ARHGAP22: variants seen among roughly 807,000 people sequenced by gnomAD.
ARHGAP22 encodes Rho GTPase activating protein 22.
ARHGAP22 carries 48 observed loss-of-function variants against 59.1 expected under a neutral mutation model. That is an observed-to-expected ratio of 0.81 (90% CI 0.64 to 1.03). The LOEUF (loss-of-function observed/expected upper bound fraction) is 1.03. Among genes scored for constraint, ARHGAP22 ranks in the 50% least tolerant of loss-of-function variants. ARHGAP22 has a pLI of 0.00. For missense variants in ARHGAP22, 1,015 were observed against 958.7 expected, an observed-to-expected ratio of 1.06 and a Z score of -0.78; for synonymous variants, 445 against 416.4, an observed-to-expected ratio of 1.07 and a Z score of -0.84.
intron 4 of ARHGAP22, chr10:48,466,550 G>A (rs2047713722): frequency 6.7e-6 from 1 of 148,758 alleles, no homozygotes; most frequent in Admixed American, 6.7e-5. Flanking sequence ...GGGCCCGGGG[G>A]CGCCCGCACC....
chr10:48,464,092 C>G (rs761029753), intron 4 of ARHGAP22, among the ~76,000 whole-genome samples: 2 of 152,208 alleles, frequency 1.3e-5, no homozygotes, highest in Non-Finnish European at 2.9e-5. Flanking sequence ...TCCATAACCC[C>G]TATACTTTGT....
chr10:48,596,078 T>C (rs564388087), intron 1 of ARHGAP22, among the ~76,000 whole-genome samples: 5 of 152,354 alleles, frequency 3.3e-5, no homozygotes, highest in South Asian at 2.1e-4. Context: ...ATATAAAAGA[T>C]TGCATTCTTG....
At chr10:48,615,710 T>G (rs983978406) in intron 1 of ARHGAP22, among the ~76,000 whole-genome samples, 2 of 152,132 alleles carry the variant, frequency 1.3e-5, no homozygotes, top group Non-Finnish European at 2.9e-5. Flanking sequence ...AAAATATATT[T>G]AAAGGTTTAA....
At chr10:48,468,631 G>A (rs1564710868) in intron 4 of ARHGAP22, among the ~76,000 whole-genome samples, 1 of 152,152 alleles carries the variant, frequency 6.6e-6, no homozygotes, top group Non-Finnish European at 1.5e-5. Flanking sequence ...CAAATTTCTG[G>A]CAGTTTGTTA....
At position 48,616,401 on chromosome 10, in the gene ARHGAP22, G is replaced by C. The variant is rs770586757; in HGVS notation, c.53-33249C>G. On this transcript the variant is annotated intron_variant, in intron 1 of 9. Transcript: ENST00000435790. ...ATATGCATAGAGGAAGTCCAAGAAA[G>C]AAAAGAGGAAAAGGAGAAGAAGAAT... Among the ~76,000 whole-genome samples, 77 of 152,052 alleles carry C rather than the reference G, an allele frequency of 5.1e-4. 1 individual carries two copies. Among genetic ancestry groups the C allele is most frequent in the Non-Finnish European group, 2.2e-4 (15 of 67,952 alleles).
At chr10:48,647,322 G>A (rs1385316795) in intron 1 of ARHGAP22, among the ~76,000 whole-genome samples, 1 of 152,080 alleles carries the variant, frequency 6.6e-6, no homozygotes, top group Non-Finnish European at 1.5e-5. Flanking sequence ...TGAACCGGGA[G>A]GCAGAGGTTG....
intron 2 of ARHGAP22, among the ~76,000 whole-genome samples, chr10:48,578,187 T>C (rs982014892): frequency 6.6e-6 from 1 of 152,208 alleles, no homozygotes; most frequent in Non-Finnish European, 1.5e-5. Context: ...TCCAGAGATA[T>C]CTAGTCCTGC....
At position 48,604,709 on chromosome 10, in the gene ARHGAP22, G is replaced by T. The variant is rs747626806; in HGVS notation, c.34+54C>A. 5.0e-6 allele frequency: 8 copies of T among 1,613,920 alleles called. No individual in the cohort carries two copies. The African/African-American group carries it at 8.0e-5, about 16-fold the overall frequency. On this transcript the variant is annotated intron_variant, in intron 1 of 9. Transcript: ENST00000249601. ...GACGGCTGGCCAAGTGTCCGCGCAC[G>T]TTTGCCAAGAGGCACATGCGGTGCC... is the stretch of plus-strand genomic sequence containing the variant.
chr10:48,630,917 T>C (rs188771863), intron 1 of ARHGAP22, among the ~76,000 whole-genome samples: 83 of 152,364 alleles, frequency 5.4e-4, no homozygotes, highest in African/African-American at 1.9e-3. Flanking sequence ...TGTAGGGTTT[T>C]TGTGGATGTC....
chr10:48,451,402 G>T (rs984872944), intron 8 of ARHGAP22: 2 of 706,624 alleles, frequency 2.8e-6, no homozygotes, highest in Non-Finnish European at 5.1e-6. Flanking sequence ...CTGCGCTCAC[G>T]CCCTCCAGCT....
intron 3 of ARHGAP22, among the ~76,000 whole-genome samples, chr10:48,499,029 G>A (rs975890065): frequency 3.3e-5 from 5 of 152,148 alleles, no homozygotes; most frequent in Non-Finnish European, 5.9e-5. Context: ...TGTCCTGCCT[G>A]TTGGTCGCTT....
intron 1 of ARHGAP22, among the ~76,000 whole-genome samples, chr10:48,591,063 C>T (rs1049363728): frequency 6.6e-6 from 1 of 152,200 alleles, no homozygotes; most frequent in Non-Finnish European, 1.5e-5. Context: ...CAAGCCCTGG[C>T]TGGTCTTGCT....
chr10:48,530,906 C>A (rs956450499), intron 3 of ARHGAP22, among the ~76,000 whole-genome samples: 1 of 152,216 alleles, frequency 6.6e-6, no homozygotes, highest in Admixed American at 6.5e-5. Flanking sequence ...TTTGATTCAA[C>A]AATCCCACTA....
intron 3 of ARHGAP22, among the ~76,000 whole-genome samples, chr10:48,485,605 A>G (rs1298055856): frequency 7.9e-5 from 12 of 152,162 alleles, no homozygotes; most frequent in Non-Finnish European, 1.8e-4. Context: ...TCAAATCTCC[A>G]ATTATAATTT....
At chr10:48,627,261 G>C (rs1445085033) in intron 1 of ARHGAP22, among the ~76,000 whole-genome samples, 1 of 152,180 alleles carries the variant, frequency 6.6e-6, no homozygotes, top group African/African-American at 2.4e-5. Flanking sequence ...CAAACCTGAG[G>C]AGGGGTTGCA....
chr10:48,576,540 C>T (rs1441329931), intron 2 of ARHGAP22, among the ~76,000 whole-genome samples: 2 of 152,260 alleles, frequency 1.3e-5, no homozygotes, highest in Non-Finnish European at 2.9e-5. Context: ...CCTCACATCC[C>T]TGCCCCATGG....
At position 48,638,450 on chromosome 10, in the gene ARHGAP22, G is replaced by T. The variant is rs150097354; in HGVS notation, c.52+13784C>A. ...TTAATGATGAAGGGCCCTGGCTTCT[G>T]CAGGATTACCTTGTACCACTAAAAC... On this transcript the variant is annotated intron_variant, in intron 1 of 9. Transcript: ENST00000435790. Among the ~76,000 whole-genome samples, 845 of 152,176 alleles carry T rather than the reference G, an allele frequency of 5.6e-3. 8 individuals are homozygous for T. The highest frequency in any genetic ancestry group is 0.019 in the African/African-American group (809 of 41,500).
chr10:48,546,994 A>G (rs1039609030), intron 3 of ARHGAP22, among the ~76,000 whole-genome samples: 1 of 152,164 alleles, frequency 6.6e-6, no homozygotes. Flanking sequence ...GTCAAAACCC[A>G]CACAGTCCCT....
chr10:48,513,068 G>A (rs535499877), intron 3 of ARHGAP22, among the ~76,000 whole-genome samples: 11 of 151,098 alleles, frequency 7.3e-5, no homozygotes, highest in South Asian at 2.1e-4. Context: ...TTAATCCCCC[G>A]TGCTTCCACA....
Sources: allele counts gnomAD v4.1 joint callset (sites outside exome capture counted in the v4.1 genomes callset), GRCh38; gene constraint gnomAD v4.1.1; transcripts MANE v1.5; gene names NCBI Gene and HGNC (gene_info 2026-07-23, HGNC 2026-07-21).